ARHGAP28: variants seen among roughly 807,000 people sequenced by gnomAD.
The protein encoded by ARHGAP28 is rho GTPase-activating protein 28.
ARHGAP28 carries 56 observed loss-of-function variants against 90.7 expected under a neutral mutation model. That is an observed-to-expected ratio of 0.62 (90% CI 0.50 to 0.77). The LOEUF (loss-of-function observed/expected upper bound fraction) is 0.77, where lower values mean the gene tolerates loss of function less well. ARHGAP28 is among the 30% of genes least tolerant of loss of function. The pLI is 0.00. For missense variants in ARHGAP28, 869 were observed against 900.9 expected, an observed-to-expected ratio of 0.96 and a Z score of 0.45; for synonymous variants, 308 against 323.3, an observed-to-expected ratio of 0.95 and a Z score of 0.51.
intron 3 of ARHGAP28, among the ~76,000 whole-genome samples, chr18:6,842,254 C>T (rs879398960): frequency 1.3e-5 from 2 of 152,100 alleles, no homozygotes; most frequent in Admixed American, 6.5e-5. Context: ...GTTGTTTCAG[C>T]TACTCAGGAG....
At chr18:6,851,199 T>C in intron 4 of ARHGAP28, 73 bp downstream of exon 4, 1 of 1,316,314 alleles carries the variant, frequency 7.6e-7, no homozygotes, top group Non-Finnish European at 1.1e-6. Flanking sequence ...GAGCAAAACT[T>C]GAAAAAAGTG....
chr18:6,906,027 T>C (rs747773734), intron 16 of ARHGAP28, among the ~76,000 whole-genome samples: 9 of 152,116 alleles, frequency 5.9e-5, no homozygotes, highest in Non-Finnish European at 1.2e-4. Context: ...TTTGTAAACA[T>C]GCACAAGCTT....
At chr18:6,741,649 A>AG (rs2055978606) in intron 1 of ARHGAP28, among the ~76,000 whole-genome samples, 1 of 151,078 alleles carries the variant, frequency 6.6e-6, no homozygotes, top group African/African-American at 2.5e-5. Flanking sequence ...AAATAGCACC[A>AG]ATTCTCTTTA....
At chr18:6,900,045 G>A (rs1423136155) in intron 16 of ARHGAP28, among the ~76,000 whole-genome samples, 1 of 152,018 alleles carries the variant, frequency 6.6e-6, no homozygotes, top group Non-Finnish European at 1.5e-5. Context: ...CCCCACCCTG[G>A]TGGCAGCAGA....
At position 6,744,568 on chromosome 18, in the gene ARHGAP28, A is replaced by G. The variant is rs374795569; in HGVS notation, c.122+14625A>G. On this transcript the variant is annotated intron_variant, in intron 1 of 17. Coordinates refer to ENST00000383472, the MANE Select transcript of ARHGAP28 (RefSeq NM_001366230.1). ...CCTTTCTCCCCTCTCATTGAACTGT[A>G]CTTATTTAATTGATCTCTCAGGTAC... Among the ~76,000 whole-genome samples, 23 of 152,280 alleles carry G rather than the reference A, an allele frequency of 1.5e-4. No individual in the cohort carries two copies. In the East Asian group the frequency reaches 2.9e-3, roughly 19 times the overall value.
chr18:6,873,383 A>G lies in ARHGAP28; in HGVS notation c.955-26A>G. On this transcript the variant is annotated intron_variant, in intron 7 of 17. Transcript: ENST00000383472. ...TAATAATTTTCCTTTGCCATAAAAAATAAATACCTTCACTGTGTGTTTTAG... is the reference window on the plus strand; with the variant it reads ...TAATAATTTTCCTTTGCCATAAAAAGTAAATACCTTCACTGTGTGTTTTAG... 1.3e-6 allele frequency: 2 copies of G among 1,587,288 alleles called. 1 individual carries two copies.
chr18:6,776,980 C>T (rs949658266), intron 1 of ARHGAP28, among the ~76,000 whole-genome samples: 1 of 152,112 alleles, frequency 6.6e-6, no homozygotes, highest in African/African-American at 2.4e-5. Context: ...TTTTATACAA[C>T]CTAACAAGTT....
At chr18:6,841,167 C>CCTCTTT (rs1555631453) in intron 3 of ARHGAP28, among the ~76,000 whole-genome samples, 10 of 79,988 alleles carry the variant, frequency 1.3e-4, no homozygotes, top group Admixed American at 3.9e-4. Flanking sequence ...TTCTCTCTCT[C>CCTCTTT]CTCTCTCTCT....
chr18:6,815,384 A>T (rs573509950), intron 1 of ARHGAP28, among the ~76,000 whole-genome samples: 2 of 152,342 alleles, frequency 1.3e-5, no homozygotes, highest in Admixed American at 6.5e-5. Flanking sequence ...TTCCTTAAGA[A>T]TATTTGAAAT....
intron 1 of ARHGAP28, among the ~76,000 whole-genome samples, chr18:6,788,287 T>G (rs944176500): frequency 2.0e-4 from 31 of 152,084 alleles, no homozygotes; most frequent in Non-Finnish European, 3.5e-4. Flanking sequence ...GCTCCCCCTT[T>G]GCCTTTGGCC....
intron 12 of ARHGAP28, among the ~76,000 whole-genome samples, chr18:6,888,170 T>A (rs2057236805): frequency 6.6e-6 from 1 of 152,216 alleles, no homozygotes; most frequent in Admixed American, 6.5e-5. Context: ...TTTGATAGAA[T>A]CATATTCTAT....
Position 6,835,478 on chromosome 18 carries a change from A to C in ARHGAP28, c.326-1719A>C, listed in dbSNP as rs116687630. On this transcript the variant is annotated intron_variant, in intron 2 of 17. Coordinates refer to ENST00000383472, the MANE Select transcript of ARHGAP28 (RefSeq NM_001366230.1). ...AAGATAGCAAATTAAATATTTGCCT[A>C]GCTAAGAAACTGGGCCTGTAATACA... Among the ~76,000 whole-genome samples, 389 of 152,318 alleles carry C rather than the reference A, an allele frequency of 2.6e-3. 3 individuals are homozygous for C. Among genetic ancestry groups the C allele is most frequent in the African/African-American group, 8.8e-3 (364 of 41,570 alleles).
At chr18:6,824,645 C>T in intron 1 of ARHGAP28, 117 bp from the exon 2 acceptor site, 2 of 915,582 alleles carry the variant, frequency 2.2e-6, no homozygotes. Flanking sequence ...ACCATGGTTA[C>T]TCCACTTCTC....
intron 15 of ARHGAP28, among the ~76,000 whole-genome samples, chr18:6,896,006 CTT>C (rs1326966405): frequency 2.0e-5 from 3 of 152,134 alleles, no homozygotes; most frequent in Non-Finnish European, 4.4e-5. Context: ...TTTCAGCACA[CTT>C]TGAGAGGTCC....
chr18:6,869,250 ATTCTT>A (rs2143496358), intron 6 of ARHGAP28, among the ~76,000 whole-genome samples: 1 of 103,812 alleles, frequency 9.6e-6, no homozygotes, highest in Non-Finnish European at 2.0e-5. Flanking sequence ...TCCTTTTGCC[ATTCTT>A]TTTTTTTTTT....
At chr18:6,873,003 CAT>C (rs1047071819) in intron 7 of ARHGAP28, among the ~76,000 whole-genome samples, 13 of 151,806 alleles carry the variant, frequency 8.6e-5, no homozygotes, top group African/African-American at 2.4e-4. Flanking sequence ...AAAAAAAAAA[CAT>C]ATGTTTAGAG....
intron 1 of ARHGAP28, among the ~76,000 whole-genome samples, chr18:6,758,384 C>T (rs1007933979): frequency 1.3e-5 from 2 of 152,012 alleles, no homozygotes; most frequent in African/African-American, 4.8e-5. Context: ...AGTGCGGTGG[C>T]ATGATCTCGG....
chr18:6,827,393 G>C (rs1186125349), intron 2 of ARHGAP28, among the ~76,000 whole-genome samples: 2 of 148,014 alleles, frequency 1.4e-5, no homozygotes, highest in African/African-American at 5.0e-5. Flanking sequence ...CTCCGAGATG[G>C]GGCGGCTGGC....
At chr18:6,898,507 C>T (rs778553050) in intron 16 of ARHGAP28, 19 of 1,613,936 alleles carry the variant, frequency 1.2e-5, no homozygotes, top group African/African-American at 2.7e-5. Context: ...AGAGAAGAGT[C>T]GACAGAGACC....
Sources: gnomAD v4.1 joint callset for allele counts (sites outside exome capture counted in the v4.1 genomes callset) on GRCh38, gnomAD v4.1.1 for gene constraint, MANE v1.5 for transcripts, NCBI Gene and HGNC (gene_info 2026-07-23, HGNC 2026-07-21) for gene names.